The following ACSM3 variants were observed in gnomAD, a reference collection of about 807,000 sequenced individuals.
The protein encoded by ACSM3 is acyl-CoA synthetase medium chain family member 3.
Under a neutral mutation model 74.1 loss-of-function variants are expected in ACSM3, and 61 were observed. The ratio of observed to expected loss-of-function variants is 0.82; its 90% CI spans 0.67 to 1.02. The LOEUF is 1.02. Ranked by LOEUF, ACSM3 falls within the 50% of genes least tolerant of loss-of-function variation. The probability of loss-of-function intolerance (pLI) is 0.00; values close to 1 mark genes in which losing one functional copy is unlikely to be tolerated. For missense variants in ACSM3, 660 were observed against 697.0 expected, an observed-to-expected ratio of 0.95 and a Z score of 0.60; for synonymous variants, 213 against 241.5, an observed-to-expected ratio of 0.88 and a Z score of 1.09.
Position 20,706,614 on chromosome 16 carries a change from T to C in ACSM3, c.-190+31792T>C, listed in dbSNP as rs1382703764. Among the ~76,000 whole-genome samples the C allele has an allele frequency of 2.0e-5, 3 of 152,222 alleles. No homozygotes were observed. In the East Asian group the frequency reaches 5.8e-4, roughly 29 times the overall value. ...GTGGTAAACTCATTGATGGTGGTCC[T>C]AACCCCAGATTTGGAAATGGCCCCA... On this transcript the variant is annotated intron_variant, in intron 1 of 3. Transcript: ENST00000561584.
chr16:20,760,246 CA>C (rs1389221956), upstream of ACSM3, among the ~76,000 whole-genome samples: 2 of 152,120 alleles, frequency 1.3e-5, no homozygotes, highest in African/African-American at 4.8e-5. Flanking sequence ...AATGGCCCTG[CA>C]AAGCTGTCTC....
rs2080445532 is a variant in ACSM3, at chr16:20,785,150, T to A, written c.1143+43T>A. 7 of 1,607,898 alleles carry A rather than the reference T, an allele frequency of 4.4e-6. No homozygotes were observed. In the East Asian group the frequency reaches 1.6e-4, roughly 36 times the overall value. ...AAAGACATAGCTGGATTCCATTTAG[T>A]CAGATGAATAAAAACCAAAGTGTCC... On this transcript the variant is annotated intron_variant, in intron 8 of 13. Coordinates refer to ENST00000289416, the MANE Select transcript of ACSM3 (RefSeq NM_005622.4).
At chr16:20,741,955 C>G (rs1315707236) in intron 1 of ACSM3, 1 of 1,530,916 alleles carries the variant, frequency 6.5e-7, no homozygotes. Context: ...TGCCCCGCCT[C>G]CCGACTGCAA....
chr16:20,711,526 C>T (rs578127570), intron 1 of ACSM3: 16 of 1,420,372 alleles, frequency 1.1e-5, no homozygotes, highest in African/African-American at 5.7e-5. Context: ...TATCCTCTAC[C>T]GGCTGCAAGC....
chr16:20,710,436 CAT>C (rs1462737352), intron 1 of ACSM3, among the ~76,000 whole-genome samples: 3 of 152,072 alleles, frequency 2.0e-5, no homozygotes, highest in African/African-American at 7.2e-5. Context: ...TACTATAAAA[CAT>C]AGATGAAAAT....
At chr16:20,789,415 A>G in intron 9 of ACSM3, 1 of 1,190,412 alleles carries the variant, frequency 8.4e-7, no homozygotes, top group Non-Finnish European at 1.2e-6. Context: ...AGCTACTGGT[A>G]GACACTTCAG....
chr16:20,779,366 A>G (rs71374833), intron 4 of ACSM3, among the ~76,000 whole-genome samples: 19,811 of 150,400 alleles, frequency 0.13, 1,377 homozygotes, highest in East Asian at 0.21. Context: ...CATGGCTGCA[A>G]TGAGCCATGA....
At chr16:20,742,717 A>T (rs2079937884) in intron 1 of ACSM3, among the ~76,000 whole-genome samples, 2 of 150,654 alleles carry the variant, frequency 1.3e-5, no homozygotes, top group East Asian at 3.9e-4. Flanking sequence ...CTGTGCACGG[A>T]CAAGTGGCTG....
chr16:20,685,819 C>CA (rs71842093), intron 1 of ACSM3, among the ~76,000 whole-genome samples: 673 of 49,904 alleles, frequency 0.013, 90 homozygotes, highest in African/African-American at 0.039. Context: ...GACTCCGTCT[C>CA]AAAAAAAAAA....
At position 20,795,658 on chromosome 16, in the gene ACSM3, ATAG is replaced by A. The variant is rs2080707269; in HGVS notation, c.1555-711_1555-709del. On this transcript the variant is annotated intron_variant, in intron 12 of 13. Coordinates refer to ENST00000289416, the MANE Select transcript of ACSM3 (RefSeq NM_005622.4). Reference sequence around the variant, plus strand: ...TGTGCCTACAGGGAAGCATCATTCCATAGCCAGCTCCGGGCTGGTAATCTGGCG... The same window carrying A: ...TGTGCCTACAGGGAAGCATCATTCCACCAGCTCCGGGCTGGTAATCTGGCG... 2.0e-5 allele frequency among the ~76,000 whole-genome samples: 3 copies of A among 152,330 alleles called. No individual in the cohort carries two copies. In the South Asian group the frequency reaches 6.2e-4, roughly 32 times the overall value.
chr16:20,695,755 CTA>C (rs555698362), intron 1 of ACSM3, among the ~76,000 whole-genome samples: 8 of 152,214 alleles, frequency 5.3e-5, no homozygotes, highest in Admixed American at 4.6e-4. Flanking sequence ...AATCAGATAT[CTA>C]TATGTCTATG....
intron 1 of ACSM3, chr16:20,690,854 C>A: frequency 1.3e-6 from 1 of 753,868 alleles, no homozygotes; most frequent in Non-Finnish European, 2.0e-6. Context: ...GGGAATAGAA[C>A]CTTGAAATAT....
At chr16:20,737,193 A>G in intron 1 of ACSM3, 2 of 1,614,240 alleles carry the variant, frequency 1.2e-6, no homozygotes, top group Non-Finnish European at 8.5e-7. Flanking sequence ...CACAACACTC[A>G]GGCAACAGAC....
At chr16:20,732,436 CTTATT>C (rs1428113975) in intron 1 of ACSM3, among the ~76,000 whole-genome samples, 3 of 152,104 alleles carry the variant, frequency 2.0e-5, no homozygotes, top group East Asian at 1.9e-4. Flanking sequence ...CAGTAGTCGT[CTTATT>C]TTGACAGAAG....
intron 1 of ACSM3, chr16:20,711,554 T>C: frequency 5.6e-6 from 8 of 1,423,422 alleles, no homozygotes; most frequent in South Asian, 2.4e-5. Flanking sequence ...GCCAAGTGCA[T>C]TGTGGCCAGT....
chr16:20,707,404 C>T (rs2079731039), intron 1 of ACSM3, among the ~76,000 whole-genome samples: 1 of 152,220 alleles, frequency 6.6e-6, no homozygotes, highest in Non-Finnish European at 1.5e-5. Context: ...TGCCCAAGGT[C>T]TCACCCAGTG....
chr16:20,788,495 C>A (rs2080523329), intron 9 of ACSM3, among the ~76,000 whole-genome samples: 1 of 152,154 alleles, frequency 6.6e-6, no homozygotes, highest in Admixed American at 6.6e-5. Flanking sequence ...TCTGCATCCC[C>A]AGTCATTTTT....
intron 1 of ACSM3, among the ~76,000 whole-genome samples, chr16:20,726,201 A>G (rs1281892270): frequency 6.6e-6 from 1 of 152,242 alleles, no homozygotes; most frequent in East Asian, 1.9e-4. Flanking sequence ...AAGCATATTT[A>G]TACTGCCTTG....
At chr16:20,791,063 G>T in intron 10 of ACSM3, 1 of 855,174 alleles carries the variant, frequency 1.2e-6, no homozygotes, top group Non-Finnish European at 1.8e-6. Context: ...ATGCGGGGGT[G>T]GTGGGATTAA....
Sources: gnomAD v4.1 joint callset for allele counts (sites outside exome capture counted in the v4.1 genomes callset) on GRCh38, gnomAD v4.1.1 for gene constraint, MANE v1.5 for transcripts, NCBI Gene and HGNC (gene_info 2026-07-23, HGNC 2026-07-21) for gene names.